The following RBL1 variants were observed in gnomAD, a reference collection of about 807,000 sequenced individuals.
RBL1 encodes RB transcriptional corepressor like 1.
A neutral mutation model predicts 123.0 loss-of-function variants in RBL1; 82 were observed. The ratio of observed to expected loss-of-function variants is 0.67; its 90% CI spans 0.56 to 0.80. The LOEUF (loss-of-function observed/expected upper bound fraction) is 0.80, where lower values mean the gene tolerates loss of function less well. Among genes scored for constraint, RBL1 ranks in the 30% least tolerant of loss-of-function variants. The pLI is 0.00. For synonymous variants in RBL1, 405 were observed against 441.3 expected, an observed-to-expected ratio of 0.92 and a Z score of 1.03; for missense variants, 1,171 against 1,299.6, an observed-to-expected ratio of 0.90 and a Z score of 1.52.
chr20:37,040,484 C>G (rs924349850), intron 13 of RBL1, among the ~76,000 whole-genome samples, 199 bp from the exon 14 acceptor site: 1 of 152,094 alleles, frequency 6.6e-6, no homozygotes, highest in African/African-American at 2.4e-5. Context: ...TCCTGAGTAG[C>G]TGGGACTACA....
Position 37,089,087 on chromosome 20 carries a change from A to G in RBL1, c.192T>C (p.Tyr64=). 1.2e-6 allele frequency: 2 copies of G among 1,611,524 alleles called. No homozygotes were observed. Among genetic ancestry groups the G allele is most frequent in the Non-Finnish European group, 1.7e-6 (2 of 1,178,608 alleles). ...EVTHWLACSL[Y]VACRKSIIPT... is the part of the protein sequence containing the mutation. ...GAATAATGCTTTTGCGGCATGCAAC[A>G]TATAATGAACATGCCAACCAGTGTG... Residue 64 remains tyrosine, a synonymous_variant, in exon 2 of 22, where the codon TAT becomes TAC. Coordinates refer to ENST00000373664, the MANE Select transcript of RBL1 (RefSeq NM_002895.5).
chr20:37,066,855 AG>A lies in RBL1; in HGVS notation c.714del (p.Phe239LeufsTer23). ...CAGGGTGGCTCTTCAGAAGCCGTAAAGTCAGCAGTATGAAAATCAGATGGTA... is the reference window on the plus strand; with the variant it reads ...CAGGGTGGCTCTTCAGAAGCCGTAAATCAGCAGTATGAAAATCAGATGGTA... ...KGLPSDFHTA[D>X]FTASEEPPCI... On this transcript the variant is annotated frameshift_variant, in exon 6 of 22. Transcript: ENST00000373664. LOFTEE classifies it high-confidence loss of function. 4 of 1,614,028 alleles carry A rather than the reference AG, an allele frequency of 2.5e-6. No individual in the cohort carries two copies. Among genetic ancestry groups the A allele is most frequent in the Non-Finnish European group, 3.4e-6 (4 of 1,179,962 alleles).
At chr20:37,077,480 C>T (rs1339350408) in intron 2 of RBL1, among the ~76,000 whole-genome samples, 2 of 152,042 alleles carry the variant, frequency 1.3e-5, no homozygotes, top group African/African-American at 4.8e-5. Context: ...GACTGACCTC[C>T]CTTGAGTAAG....
At chr20:37,081,426 A>G (rs2065446678) in intron 2 of RBL1, among the ~76,000 whole-genome samples, 1 of 152,166 alleles carries the variant, frequency 6.6e-6, no homozygotes, top group African/African-American at 2.4e-5. Context: ...GGATCTCCTC[A>G]AGCCAGAAGT....
intron 21 of RBL1, among the ~76,000 whole-genome samples, chr20:37,000,743 G>T (rs2063960293): frequency 7.4e-6 from 1 of 134,758 alleles, no homozygotes; most frequent in African/African-American, 2.8e-5. Context: ...CCCCCGCCCG[G>T]CCAGCCGCCC....
At chr20:37,006,649 G>A (rs372881865) in intron 20 of RBL1, among the ~76,000 whole-genome samples, 5 of 148,808 alleles carry the variant, frequency 3.4e-5, no homozygotes, top group African/African-American at 9.8e-5. Flanking sequence ...GACCAGCCTG[G>A]CCAACATGGT....
chr20:37,005,527 CA>C (rs1453564674), intron 20 of RBL1, among the ~76,000 whole-genome samples: 1 of 151,666 alleles, frequency 6.6e-6, no homozygotes, highest in Admixed American at 6.6e-5. Context: ...ATAAAAGAGG[CA>C]GAGAATTCTA....
intron 9 of RBL1, among the ~76,000 whole-genome samples, chr20:37,060,333 ATAAAAATAAAT>A (rs2065073475): frequency 6.6e-6 from 1 of 152,152 alleles, no homozygotes; most frequent in African/African-American, 2.4e-5. Context: ...ACAAACAAAA[ATAAAAATAAAT>A]TAAAAATAAA....
intron 12 of RBL1, among the ~76,000 whole-genome samples, chr20:37,045,880 T>C (rs1410722737): frequency 6.6e-6 from 1 of 152,216 alleles, no homozygotes; most frequent in Non-Finnish European, 1.5e-5. Flanking sequence ...CCAATTTTTC[T>C]ATCACCAGTA....
chr20:37,042,626 G>C (rs2064747033), intron 13 of RBL1, among the ~76,000 whole-genome samples: 1 of 152,158 alleles, frequency 6.6e-6, no homozygotes, highest in South Asian at 2.1e-4. Flanking sequence ...AAAGGGGTTA[G>C]TTGTGGTGGC....
Position 37,061,183 on chromosome 20 carries a change from G to T in RBL1, c.1170C>A (p.Ala390=), listed in dbSNP as rs142836761. The change falls in exon 9 of 22, where the codon GCC becomes GCA. Residue 390 remains alanine, a synonymous_variant. Coordinates refer to ENST00000373664, the MANE Select transcript of RBL1 (RefSeq NM_002895.5). ...KEAVITPVAS[A]TQSVSRLQSI... is the part of the protein sequence containing the mutation. ...TCTGTAACCGGCTCACACTTTGGGT[G>T]GCTGATGCAACAGGAGTAATGACTG... 924 of 1,613,990 alleles carry T rather than the reference G, an allele frequency of 5.7e-4. 5 individuals are homozygous for T. The highest frequency in any genetic ancestry group is 3.9e-3 in the East Asian group (176 of 44,872).
chr20:37,061,809 G>T (rs1271250681), intron 8 of RBL1, among the ~76,000 whole-genome samples: 2 of 152,154 alleles, frequency 1.3e-5, no homozygotes, highest in Admixed American at 6.6e-5. Context: ...AGAAAGAACT[G>T]TAAGAAAGCA....
Position 37,072,249 on chromosome 20 carries a change from A to T in RBL1, c.291-4063T>A, listed in dbSNP as rs866989478. Among the ~76,000 whole-genome samples, 56 of 152,196 alleles carry T rather than the reference A, an allele frequency of 3.7e-4. 1 individual carries two copies. The highest frequency in any genetic ancestry group is 1.2e-3 in the African/African-American group (48 of 41,448). ...TTTGGGAGTCCGAGGCAGGTGGACA[A>T]CCTGAGGTCAGGAGCTCGAGACCAG... On this transcript the variant is annotated intron_variant, in intron 2 of 21. Coordinates refer to ENST00000373664, the MANE Select transcript of RBL1 (RefSeq NM_002895.5).
At chr20:37,066,604 A>G in intron 6 of RBL1, 120 bp downstream of exon 6, 2 of 890,462 alleles carry the variant, frequency 2.2e-6, no homozygotes, top group East Asian at 2.5e-5. Context: ...AGTAGAGGCT[A>G]AAGCCTGGGA....
rs927602569 is a variant in RBL1 at position 36,998,449 on chromosome 20, C to G, written c.*310G>C. On this transcript the variant is annotated 3_prime_UTR_variant, in exon 22 of 22. Transcript: ENST00000373664. ...ATGTTGGTCAGGCTGGTCTCGAACT[C>G]CTGACCTCCGGTGATCTGCCCGCCT... 2 of 207,608 alleles carry G rather than the reference C, an allele frequency of 9.6e-6. No homozygotes were observed. The highest frequency in any genetic ancestry group is 1.9e-5 in the Non-Finnish European group (2 of 103,130). 12.9% of individuals were successfully genotyped at this position (207,608 alleles called of 1,614,324 possible). A position where few individuals can be genotyped will look rare whatever the true frequency, so the allele number is the denominator to read the frequency against.
intron 2 of RBL1, among the ~76,000 whole-genome samples, chr20:37,085,622 A>C (rs926044374): frequency 1.1e-4 from 16 of 144,848 alleles, no homozygotes; most frequent in Non-Finnish European, 2.1e-4. Context: ...CCATCTCCAG[A>C]GTTTGTTTCA....
chr20:37,053,002 T>G (rs1431685841), intron 11 of RBL1, among the ~76,000 whole-genome samples: 2 of 152,180 alleles, frequency 1.3e-5, no homozygotes, highest in Non-Finnish European at 2.9e-5. Flanking sequence ...ACAGCAATCC[T>G]AAATGTGTAA....
At chr20:37,085,074 AT>A (rs2065517978) in intron 2 of RBL1, among the ~76,000 whole-genome samples, 1 of 151,230 alleles carries the variant, frequency 6.6e-6, no homozygotes, top group Non-Finnish European at 1.5e-5. Context: ...GCCAGAAGAA[AT>A]TATTAATAAT....
At chr20:37,023,528 C>G (rs1304215459) in intron 16 of RBL1, among the ~76,000 whole-genome samples, 2 of 152,044 alleles carry the variant, frequency 1.3e-5, no homozygotes, top group Non-Finnish European at 1.5e-5. Context: ...AAATATTTGA[C>G]TCCAAAAATG....
Sources: allele counts gnomAD v4.1 joint callset (sites outside exome capture counted in the v4.1 genomes callset), GRCh38; gene constraint gnomAD v4.1.1; transcripts MANE v1.5; gene names NCBI Gene and HGNC (gene_info 2026-07-23, HGNC 2026-07-21).